Variants in CSNK1E observed in about 807,000 individuals in gnomAD.
CSNK1E encodes casein kinase I isoform epsilon.
A neutral mutation model predicts 46.1 loss-of-function variants in CSNK1E; 17 were observed. The observed-to-expected ratio is 0.37, with a 90% CI of 0.25 to 0.55. CSNK1E has a LOEUF of 0.55. Among genes scored for constraint, CSNK1E ranks in the 20% least tolerant of loss-of-function variants. The pLI is 0.82. For synonymous variants in CSNK1E, 241 were observed against 242.6 expected, an observed-to-expected ratio of 0.99 and a Z score of 0.06; for missense variants, 386 against 595.4, an observed-to-expected ratio of 0.65 and a Z score of 3.66.
chr22:38,316,640 G>A (rs2092747373), intron 1 of CSNK1E: 1 of 152,220 alleles, frequency 6.6e-6, no homozygotes, highest in Admixed American at 6.5e-5. Flanking sequence ...CAAATCAGTG[G>A]CCTGGTGACC....
intron 4 of CSNK1E, 85 bp from the exon 5 acceptor site, chr22:38,301,037 G>A (rs1569078170): frequency 8.7e-7 from 1 of 1,154,612 alleles, no homozygotes; most frequent in Non-Finnish European, 1.3e-6. Flanking sequence ...CACAGAGGTG[G>A]AAAGGCAGAG....
Position 38,294,562 on chromosome 22 carries a change from T to G in CSNK1E, c.886-28A>C. On this transcript the variant is annotated intron_variant, in intron 7 of 10. Transcript: ENST00000396832. The surrounding 1 kb of genome is among the most constrained non-coding windows in gnomAD (Gnocchi z 5.5). ...GCAGGGATGCAAGAAAAGACACCAG[T>G]CAGCCCCAGAGGCCAGGGTGCTCTG... 6.4e-7 allele frequency: 1 copy of G among 1,556,478 alleles called. No individual in the cohort carries two copies. Among genetic ancestry groups the G allele is most frequent in the Non-Finnish European group, 8.7e-7 (1 of 1,153,382 alleles).
At chr22:38,316,034 G>A (rs1306879730) in intron 1 of CSNK1E, among the ~76,000 whole-genome samples, 3 of 152,060 alleles carry the variant, frequency 2.0e-5, no homozygotes, top group Non-Finnish European at 4.4e-5. Flanking sequence ...AAGCCTCCCA[G>A]AGGAGAGCAG....
chr22:38,298,438 G>C lies in CSNK1E; in HGVS notation c.885+348C>G. 1 of 372,468 alleles carries C rather than the reference G, an allele frequency of 2.7e-6. No individual in the cohort carries two copies. Among genetic ancestry groups the C allele is most frequent in the South Asian group, 2.1e-5 (1 of 47,818 alleles). 23.1% of individuals were successfully genotyped at this position (372,468 alleles called of 1,614,324 possible). ...TGCAGGTAGCCACCTGGGATGTGCA[G>C]AACAGGAGCAGCAGGACGGTGTAGG... On this transcript the variant is annotated intron_variant, in intron 7 of 10. Coordinates refer to ENST00000396832, the MANE Select transcript of CSNK1E (RefSeq NM_152221.3). The surrounding 1 kb of genome is among the most constrained non-coding windows in gnomAD (Gnocchi z 4.2).
At chr22:38,297,201 G>A (rs759317233) in intron 7 of CSNK1E, 2 of 770,986 alleles carry the variant, frequency 2.6e-6, no homozygotes, top group South Asian at 2.7e-5. Flanking sequence ...GAGCTGGAGG[G>A]CCAAGCCCAT....
chr22:38,312,590 C>G (rs2092725767), intron 2 of CSNK1E, among the ~76,000 whole-genome samples: 1 of 152,228 alleles, frequency 6.6e-6, no homozygotes, highest in Admixed American at 6.5e-5. Context: ...CTGCACCACA[C>G]ACTCTCCCTC....
chr22:38,296,322 C>T, intron 7 of CSNK1E: 2 of 1,330,446 alleles, frequency 1.5e-6, no homozygotes, highest in Non-Finnish European at 1.9e-6. Context: ...CCTTCCCGGC[C>T]AGCTGACTGG....
At position 38,298,717 on chromosome 22, in the gene CSNK1E, T is replaced by C; in HGVS notation, c.885+69A>G. On this transcript the variant is annotated intron_variant, in intron 7 of 10. Transcript: ENST00000396832. This position sits in a 1 kb window ranked among gnomAD's most constrained non-coding sequence, Gnocchi z 4.2. ...GGAGCCCCTCCCGCCACCAGCTCAC[T>C]CTGGCCCTCTGAGTCAGGGCCTTCC... The C allele has an allele frequency of 6.3e-7, 1 of 1,580,542 alleles. No individual in the cohort carries two copies. Among genetic ancestry groups the C allele is most frequent in the African/African-American group, 1.3e-5 (1 of 74,346 alleles).
chr22:38,304,943 G>A (rs62230182), intron 2 of CSNK1E, among the ~76,000 whole-genome samples: 8,525 of 151,948 alleles, frequency 0.056, 252 homozygotes, highest in African/African-American at 0.078. Flanking sequence ...CCAAGGTGGT[G>A]AAACCCTGTC....
In CSNK1E at chr22:38,299,971, G is replaced by A. The variant is rs762388387; in HGVS notation, c.660C>T (p.Thr220=). The change falls in exon 6 of 11, where the codon ACC becomes ACT. Residue 220 remains threonine (T), a synonymous_variant. Transcript: ENST00000396832. ...SLPWQGLKAA[T]KRQKYERISE... ...TGATCCGTTCATACTTCTGGCGCTT[G>A]GTGGCTGCTTTGAGCCCCTGCCAGG... 4 of 1,614,196 alleles carry A rather than the reference G, an allele frequency of 2.5e-6. No homozygotes were observed. The South Asian group carries it at 3.3e-5, about 13-fold the overall frequency.
intron 10 of CSNK1E, 74 bp downstream of exon 10, chr22:38,293,181 T>G: frequency 1.1e-5 from 13 of 1,161,102 alleles, no homozygotes; most frequent in Non-Finnish European, 1.4e-5. Flanking sequence ...CCACAACACA[T>G]TGGTCTCTTT....
At position 38,301,924 on chromosome 22, in the gene CSNK1E, C is replaced by G. The variant is rs537795431; in HGVS notation, c.336+937G>C. 2.0e-5 allele frequency among the ~76,000 whole-genome samples: 3 copies of G among 151,814 alleles called. No homozygotes were observed. The South Asian group carries it at 6.2e-4, about 32-fold the overall frequency. ...GCAGACCAAGATTAAAACCCCTGTA[C>G]GAGATCTCCACATTCCATTCCAAGT... On this transcript the variant is annotated intron_variant, in intron 4 of 10. Transcript: ENST00000396832.
chr22:38,306,362 C>T (rs1356948496), intron 2 of CSNK1E, among the ~76,000 whole-genome samples: 6 of 152,196 alleles, frequency 3.9e-5, no homozygotes, highest in Admixed American at 3.9e-4. Context: ...AGATAACTCT[C>T]CAATTGAGTC....
At chr22:38,307,043 T>C in intron 2 of CSNK1E, among the ~76,000 whole-genome samples, 1 of 151,966 alleles carries the variant, frequency 6.6e-6, no homozygotes, top group South Asian at 2.1e-4. Context: ...TGGTAGCACG[T>C]GCCTGTGGTC....
chr22:38,296,416 A>T (rs1416248650), intron 7 of CSNK1E: 1 of 1,430,074 alleles, frequency 7.0e-7, no homozygotes, highest in Non-Finnish European at 9.2e-7. Context: ...GGTGCAGCCA[A>T]CAACACAGGG....
Position 38,302,885 on chromosome 22 carries a change from C to T in CSNK1E, c.312G>A (p.Thr104=), listed in dbSNP as rs371797069. 8.7e-6 allele frequency: 14 copies of T among 1,613,984 alleles called. No individual in the cohort carries two copies. Among genetic ancestry groups the T allele is most frequent in the South Asian group, 1.1e-5 (1 of 91,084 alleles). The change falls in exon 4 of 11, where the codon ACG becomes ACA. Residue 104 remains threonine, a synonymous_variant. Coordinates refer to ENST00000396832, the MANE Select transcript of CSNK1E (RefSeq NM_152221.3). ...NFCSRKFSLK[T]VLLLADQMIS... ...CCATCTGGTCGGCCAAGAGCAGCACCGTCTTGAGGCTGAATTTGCGGGAAC... is the reference window on the plus strand; with the variant it reads ...CCATCTGGTCGGCCAAGAGCAGCACTGTCTTGAGGCTGAATTTGCGGGAAC...
chr22:38,316,433 C>G (rs1221450689), intron 1 of CSNK1E, among the ~76,000 whole-genome samples: 7 of 152,200 alleles, frequency 4.6e-5, no homozygotes, highest in African/African-American at 1.2e-4. Flanking sequence ...TGCAAGAAAA[C>G]TAAGGGAAAA....
Position 38,297,655 on chromosome 22 carries a change from G to A in CSNK1E, c.885+1131C>T, listed in dbSNP as rs1281682069. 5 of 992,182 alleles carry A rather than the reference G, an allele frequency of 5.0e-6. No individual in the cohort carries two copies. The East Asian group carries it at 3.4e-4, about 67-fold the overall frequency. 61.5% of individuals were successfully genotyped at this position (992,182 alleles called of 1,614,324 possible). A position where few individuals can be genotyped will look rare whatever the true frequency, so the allele number is the denominator to read the frequency against. On this transcript the variant is annotated intron_variant, in intron 7 of 10. Coordinates refer to ENST00000396832, the MANE Select transcript of CSNK1E (RefSeq NM_152221.3). ...CTGGTTCAACACAGAGGCCGCCAAC[G>A]GGGTCTAGCTATGAGTCTGTCCTGG...
At chr22:38,313,428 G>A (rs1303690599) in intron 2 of CSNK1E, among the ~76,000 whole-genome samples, 2 of 152,266 alleles carry the variant, frequency 1.3e-5, no homozygotes, top group Admixed American at 1.3e-4. Flanking sequence ...GTGCCCCTCA[G>A]AAGTGGCACT....
Sources: gnomAD v4.1 joint callset for allele counts (sites outside exome capture counted in the v4.1 genomes callset) on GRCh38, gnomAD v4.1.1 for gene constraint, Gnocchi (gnomAD v3.1) non-coding constraint, MANE v1.5 for transcripts, NCBI Gene and HGNC (gene_info 2026-07-23, HGNC 2026-07-21) for gene names.